The following MTHFD1L variants were observed in gnomAD, a reference collection of about 807,000 sequenced individuals.
The protein encoded by MTHFD1L is methylenetetrahydrofolate dehydrogenase (NADP+ dependent) 1 like, also known as monofunctional C1-tetrahydrofolate synthase, mitochondrial.
MTHFD1L carries 81 observed loss-of-function variants against 119.5 expected under a neutral mutation model. That is an observed-to-expected ratio of 0.68 (90% CI 0.57 to 0.82). The LOEUF (loss-of-function observed/expected upper bound fraction) is 0.82, where lower values mean the gene tolerates loss of function less well. Among genes scored for constraint, MTHFD1L ranks in the 40% least tolerant of loss-of-function variants. MTHFD1L has a pLI of 0.00. For missense variants in MTHFD1L, 1,125 were observed against 1,253.4 expected (o/e 0.90, Z 1.55); for synonymous variants, 430 against 475.2 (o/e 0.90, Z 1.24).
At chr6:150,962,435 A>G (rs998226725) in intron 18 of MTHFD1L, among the ~76,000 whole-genome samples, 19 of 152,146 alleles carry the variant, frequency 1.2e-4, no homozygotes, top group Non-Finnish European at 2.6e-4. Flanking sequence ...CTTGTTTGCA[A>G]AAAGTAACTA....
chr6:150,933,410 T>C (rs1791495429), intron 11 of MTHFD1L, among the ~76,000 whole-genome samples: 1 of 152,118 alleles, frequency 6.6e-6, no homozygotes, highest in African/African-American at 2.4e-5. Context: ...ACTGCCCTTA[T>C]TGATGTTGTA....
chr6:151,018,770 C>T (rs1584162734), intron 24 of MTHFD1L, among the ~76,000 whole-genome samples: 2 of 152,262 alleles, frequency 1.3e-5, no homozygotes, highest in South Asian at 4.1e-4. Context: ...GATTCCATGC[C>T]ACACAGGGGA....
At chr6:150,969,153 T>C (rs1236537635) in intron 19 of MTHFD1L, among the ~76,000 whole-genome samples, 2 of 151,694 alleles carry the variant, frequency 1.3e-5, no homozygotes. Context: ...AGCAAATTTT[T>C]GTATTTTTAG....
At chr6:151,044,089 T>C (rs1269638227) in intron 26 of MTHFD1L, among the ~76,000 whole-genome samples, 1 of 152,166 alleles carries the variant, frequency 6.6e-6, no homozygotes, top group Non-Finnish European at 1.5e-5. Context: ...GGGTGGCTCC[T>C]GGCACTGTGG....
intron 20 of MTHFD1L, among the ~76,000 whole-genome samples, chr6:150,980,926 C>G (rs1284604804): frequency 6.6e-6 from 1 of 152,018 alleles, no homozygotes; most frequent in Admixed American, 6.6e-5. Flanking sequence ...CTCAGACTTT[C>G]TCTGCTCGTG....
chr6:150,996,785 C>T (rs1373898401), intron 20 of MTHFD1L, among the ~76,000 whole-genome samples: 2 of 149,122 alleles, frequency 1.3e-5, no homozygotes, highest in East Asian at 3.9e-4. Flanking sequence ...TAGAGGTTTG[C>T]CTATGGACCC....
In MTHFD1L at chr6:150,980,239, C is replaced by T. The variant is rs372570226; in HGVS notation, c.2125+8181C>T. ...GCTAATCACAGGTCGTGTTTTTCAG[C>T]CCCTGTCTTCAGGAAGGCTTAACTC... On this transcript the variant is annotated intron_variant, in intron 20 of 27. Transcript: ENST00000367321. Among the ~76,000 whole-genome samples, 4 of 152,312 alleles carry T rather than the reference C, an allele frequency of 2.6e-5. No homozygotes were observed. In the South Asian group the frequency reaches 6.2e-4, roughly 24 times the overall value.
At chr6:150,887,820 T>C (rs1426487899) in intron 6 of MTHFD1L, 25 bp from the exon 7 acceptor site, 8 of 1,568,706 alleles carry the variant, frequency 5.1e-6, no homozygotes, top group Non-Finnish European at 6.9e-6. Context: ...TTGAGTATAA[T>C]ATTGAATTTT....
intron 20 of MTHFD1L, among the ~76,000 whole-genome samples, chr6:151,001,186 T>C (rs902992932): frequency 6.6e-6 from 1 of 152,192 alleles, no homozygotes; most frequent in African/African-American, 2.4e-5. Flanking sequence ...TGATATATGT[T>C]TGTTGCACAC....
At chr6:150,953,900 G>T (rs1033108847) in intron 16 of MTHFD1L, among the ~76,000 whole-genome samples, 1 of 152,182 alleles carries the variant, frequency 6.6e-6, no homozygotes. Context: ...GAAGAACAGT[G>T]GTGGCTGAGG....
chr6:151,056,245 T>C (rs553666993), intron 26 of MTHFD1L, among the ~76,000 whole-genome samples: 1 of 152,342 alleles, frequency 6.6e-6, no homozygotes, highest in African/African-American at 2.4e-5. Context: ...GCTGTTGTTC[T>C]GTGTTTGGGT....
chr6:150,875,578 T>G (rs1187547286), intron 1 of MTHFD1L, among the ~76,000 whole-genome samples: 1 of 151,948 alleles, frequency 6.6e-6, no homozygotes, highest in Non-Finnish European at 1.5e-5. Context: ...CTTACCTAAT[T>G]CCTTCTTTAA....
chr6:151,002,273 G>T (rs558840639), intron 20 of MTHFD1L, among the ~76,000 whole-genome samples: 79 of 152,284 alleles, frequency 5.2e-4, no homozygotes, highest in African/African-American at 1.9e-3. Context: ...CTTAATAGCT[G>T]TGTGACCTTG....
chr6:151,055,521 C>CTTT (rs1335987382), intron 26 of MTHFD1L, among the ~76,000 whole-genome samples: 4 of 142,546 alleles, frequency 2.8e-5, no homozygotes, highest in African/African-American at 5.1e-5. Flanking sequence ...TGTGCTGAAT[C>CTTT]TTTTTTTTTT....
rs1400588338 is a variant in MTHFD1L at position 151,032,160 on chromosome 6, G to A, written c.2587-2333G>A. The stretch of plus-strand genomic sequence containing the variant: ...ATCTGACTATTTATGCCATTACCCT[G>A]TGTTAGTTCACTCTCGAGTTGCTAT... On this transcript the variant is annotated intron_variant, in intron 24 of 27. Transcript: ENST00000367321. Among the ~76,000 whole-genome samples the A allele has an allele frequency of 2.0e-5, 3 of 152,294 alleles. No homozygotes were observed. In the East Asian group the frequency reaches 5.8e-4, roughly 29 times the overall value.
chr6:151,066,762 C>T (rs1270762365), intron 26 of MTHFD1L, among the ~76,000 whole-genome samples: 15 of 144,860 alleles, frequency 1.0e-4, no homozygotes, highest in South Asian at 2.2e-4. Flanking sequence ...AAAACTCCGT[C>T]TCAAAAAAAA....
rs117246261 is a variant in MTHFD1L, at chr6:150,967,377, C to T, written c.2013+2340C>T. Among the ~76,000 whole-genome samples, 32 of 152,214 alleles carry T rather than the reference C, an allele frequency of 2.1e-4. 1 individual carries two copies. The East Asian group carries it at 4.3e-3, about 20-fold the overall frequency. Reference sequence around the variant, plus strand: ...CCAGGCCTGCTCGCTGCTCCTCCTCCGCTTTGCTGGCTTCTCTGATGACCC... The same window carrying T: ...CCAGGCCTGCTCGCTGCTCCTCCTCTGCTTTGCTGGCTTCTCTGATGACCC... On this transcript the variant is annotated intron_variant, in intron 19 of 27. Transcript: ENST00000367321.
intron 24 of MTHFD1L, among the ~76,000 whole-genome samples, chr6:151,030,632 GTC>G (rs1785217272): frequency 6.6e-6 from 1 of 152,206 alleles, no homozygotes; most frequent in African/African-American, 2.4e-5. Flanking sequence ...CATGGAAAAA[GTC>G]TTCTGCGCTG....
intron 20 of MTHFD1L, among the ~76,000 whole-genome samples, chr6:150,976,323 AC>A (rs1776560664): frequency 6.6e-6 from 1 of 152,172 alleles, no homozygotes; most frequent in African/African-American, 2.4e-5. Flanking sequence ...TAACCCGTCA[AC>A]CCTTTTGAAG....
Sources: allele counts gnomAD v4.1 joint callset (sites outside exome capture counted in the v4.1 genomes callset), GRCh38; gene constraint gnomAD v4.1.1; transcripts MANE v1.5; gene names NCBI Gene and HGNC (gene_info 2026-07-23, HGNC 2026-07-21).